Variants in BTC observed in about 807,000 individuals in gnomAD.
BTC encodes betacellulin, also known as probetacellulin.
Under a neutral mutation model 18.1 loss-of-function variants are expected in BTC, and 13 were observed. The ratio of observed to expected loss-of-function variants is 0.72; its 90% CI spans 0.47 to 1.14. The LOEUF (loss-of-function observed/expected upper bound fraction) is 1.14, where lower values mean the gene tolerates loss of function less well. Among genes scored for constraint, BTC ranks in the 50% most tolerant of loss-of-function variants. The probability of loss-of-function intolerance (pLI) is 0.00; values close to 1 mark genes in which losing one functional copy is unlikely to be tolerated. For synonymous variants in BTC, 83 were observed against 79.4 expected (o/e 1.05, Z -0.24); for missense variants, 247 against 224.2 (o/e 1.10, Z -0.65).
intron 2 of BTC, 70 bp downstream of exon 2, chr4:74,769,988 A>G: frequency 8.0e-7 from 1 of 1,249,188 alleles, no homozygotes; most frequent in African/African-American, 1.5e-5. Flanking sequence ...ATGTTTACCT[A>G]GTATTATGAG....
chr4:74,749,992 A>C (rs1003627201), intron 4 of BTC, among the ~76,000 whole-genome samples: 3 of 150,640 alleles, frequency 2.0e-5, no homozygotes, highest in Non-Finnish European at 4.4e-5. Context: ...GCTACTCAGG[A>C]GGCTGAGGTA....
chr4:74,762,094 A>T (rs1724773120), intron 2 of BTC, among the ~76,000 whole-genome samples: 1 of 152,208 alleles, frequency 6.6e-6, no homozygotes. Context: ...AAAATGATAC[A>T]GTCAGTACAT....
At chr4:74,787,946 T>A (rs1725524986) in intron 1 of BTC, among the ~76,000 whole-genome samples, 3 of 152,146 alleles carry the variant, frequency 2.0e-5, no homozygotes, top group Admixed American at 2.0e-4. Flanking sequence ...ATCTGGACCT[T>A]ACACAAAAGG....
chr4:74,762,730 G>A (rs1215962708), intron 2 of BTC, among the ~76,000 whole-genome samples: 1 of 152,104 alleles, frequency 6.6e-6, no homozygotes, highest in Non-Finnish European at 1.5e-5. Flanking sequence ...GATACTGAGA[G>A]ATCAAGCTCA....
intron 2 of BTC, among the ~76,000 whole-genome samples, chr4:74,763,159 C>T (rs1222112178): frequency 6.6e-6 from 1 of 151,910 alleles, no homozygotes; most frequent in Non-Finnish European, 1.5e-5. Flanking sequence ...GCCCATTTGC[C>T]CGAAAAAATT....
At chr4:74,765,585 C>A (rs1724880233) in intron 2 of BTC, among the ~76,000 whole-genome samples, 1 of 151,844 alleles carries the variant, frequency 6.6e-6, no homozygotes, top group South Asian at 2.1e-4. Flanking sequence ...AAATAATGCC[C>A]CAAACTTACC....
chr4:74,794,255 C>CACTT lies in BTC; in HGVS notation c.64+3_64+6dup. The CACTT allele has an allele frequency of 6.5e-7, 1 of 1,550,262 alleles. No individual in the cohort carries two copies. The highest frequency in any genetic ancestry group is 8.7e-7 in the Non-Finnish European group (1 of 1,146,784). On this transcript the variant is annotated splice_region_variant and intron_variant, in intron 1 of 5. Coordinates refer to ENST00000395743, the MANE Select transcript of BTC (RefSeq NM_001729.4). ...CCTGGTTTCCAGTGCCCAGCACGGC[C>CACTT]ACTTACCCAGGGCAAGGGCCAGGAG...
chr4:74,754,945 ACACACACACACACACACACACT>A (rs1345151074), intron 3 of BTC, among the ~76,000 whole-genome samples: 1 of 149,284 alleles, frequency 6.7e-6, no homozygotes, highest in Non-Finnish European at 1.5e-5. Flanking sequence ...CTCAACACAC[ACACACACACACACACACACACT>A]CACACACACA....
At chr4:74,776,650 G>A (rs1046795063) in intron 1 of BTC, among the ~76,000 whole-genome samples, 3 of 152,160 alleles carry the variant, frequency 2.0e-5, no homozygotes, top group South Asian at 4.2e-4. Flanking sequence ...AGCATGACAC[G>A]CCGTCTCAAA....
chr4:74,789,498 T>A (rs1725565687), intron 1 of BTC, among the ~76,000 whole-genome samples: 1 of 152,198 alleles, frequency 6.6e-6, no homozygotes, highest in Non-Finnish European at 1.5e-5. Flanking sequence ...TCAAAATAAT[T>A]CTGTGTCTCT....
At chr4:74,761,934 A>G (rs1330420821) in intron 2 of BTC, among the ~76,000 whole-genome samples, 10 of 152,132 alleles carry the variant, frequency 6.6e-5, no homozygotes, top group African/African-American at 2.4e-4. Flanking sequence ...TCTATTATAC[A>G]TTACTCATTA....
At chr4:74,794,022 G>T (rs1725703898) in intron 1 of BTC, among the ~76,000 whole-genome samples, 1 of 152,062 alleles carries the variant, frequency 6.6e-6, no homozygotes, top group South Asian at 2.1e-4. Context: ...CCTCGGAATC[G>T]CTTCCGCCCT....
intron 2 of BTC, among the ~76,000 whole-genome samples, chr4:74,765,999 A>C (rs753507598): frequency 1.4e-4 from 22 of 152,254 alleles, no homozygotes; most frequent in South Asian, 2.1e-4. Flanking sequence ...CCTATACAGC[A>C]TGTTACTGTA....
intron 2 of BTC, among the ~76,000 whole-genome samples, chr4:74,768,667 C>CTG (rs1216883524): frequency 6.6e-6 from 1 of 152,024 alleles, no homozygotes; most frequent in Non-Finnish European, 1.5e-5. Flanking sequence ...TTGAAGAGAT[C>CTG]TGCTAATCTA....
intron 1 of BTC, among the ~76,000 whole-genome samples, chr4:74,793,219 T>C (rs1195144508): frequency 6.6e-6 from 1 of 152,220 alleles, no homozygotes; most frequent in East Asian, 1.9e-4. Flanking sequence ...AAGTTTATTT[T>C]CTCTAACCTT....
chr4:74,792,169 A>G (rs1725650821), intron 1 of BTC, among the ~76,000 whole-genome samples: 1 of 152,182 alleles, frequency 6.6e-6, no homozygotes, highest in Non-Finnish European at 1.5e-5. Flanking sequence ...GTTCCTTAGC[A>G]TTTTGCAAGA....
intron 1 of BTC, among the ~76,000 whole-genome samples, chr4:74,786,828 C>T (rs1347286489): frequency 4.6e-5 from 7 of 152,106 alleles, no homozygotes; most frequent in Non-Finnish European, 1.0e-4. Context: ...AGAAGAAATG[C>T]TATGGGAAAA....
At chr4:74,771,867 G>T (rs1725051731) in intron 1 of BTC, among the ~76,000 whole-genome samples, 1 of 152,112 alleles carries the variant, frequency 6.6e-6, no homozygotes, top group Admixed American at 6.5e-5. Flanking sequence ...AAGAGATTTA[G>T]CTGCAAAATG....
intron 1 of BTC, among the ~76,000 whole-genome samples, chr4:74,793,405 G>T (rs1411391692): frequency 6.6e-6 from 1 of 152,120 alleles, no homozygotes; most frequent in Non-Finnish European, 1.5e-5. Context: ...TTGAAGGTAG[G>T]AGTGATATCG....
Sources: gnomAD v4.1 joint callset for allele counts (sites outside exome capture counted in the v4.1 genomes callset) on GRCh38, gnomAD v4.1.1 for gene constraint, MANE v1.5 for transcripts, NCBI Gene and HGNC (gene_info 2026-07-23, HGNC 2026-07-21) for gene names.